RPS6KA2: variants seen among roughly 807,000 people sequenced by gnomAD.
The protein encoded by RPS6KA2 is ribosomal protein S6 kinase A2.
In RPS6KA2, 42 loss-of-function variants were observed where a neutral mutation model predicts 91.8. The observed-to-expected ratio is 0.46, with a 90% CI of 0.36 to 0.59. The LOEUF (loss-of-function observed/expected upper bound fraction) is 0.59. Among genes scored for constraint, RPS6KA2 ranks in the 20% least tolerant of loss-of-function variants. The pLI is 0.00. For synonymous variants in RPS6KA2, 414 were observed against 393.6 expected, an observed-to-expected ratio of 1.05 and a Z score of -0.61; for missense variants, 798 against 978.5, an observed-to-expected ratio of 0.82 and a Z score of 2.46.
At chr6:166,577,330 TC>T (rs201598853) in intron 1 of RPS6KA2, among the ~76,000 whole-genome samples, 1,934 of 152,200 alleles carry the variant, frequency 0.013, 33 homozygotes, top group African/African-American at 0.044. Flanking sequence ...GAATGGTAGA[TC>T]CAACGACAGC....
At chr6:166,526,442 C>T (rs1267256651) in intron 3 of RPS6KA2, among the ~76,000 whole-genome samples, 1 of 142,664 alleles carries the variant, frequency 7.0e-6, no homozygotes, top group Non-Finnish European at 1.5e-5. Context: ...AGATCTTGGG[C>T]TTAAGCAATC....
At chr6:166,420,635 C>A (rs1436116589) in intron 17 of RPS6KA2, among the ~76,000 whole-genome samples, 1 of 152,216 alleles carries the variant, frequency 6.6e-6, no homozygotes, top group African/African-American at 2.4e-5. Flanking sequence ...ACCCATTCAT[C>A]CACCGAGGGA....
intron 2 of RPS6KA2, among the ~76,000 whole-genome samples, chr6:166,797,391 G>C (rs845649): frequency 0.76 from 115,490 of 151,912 alleles, 44,184 homozygotes; most frequent in Non-Finnish European, 0.81. Flanking sequence ...GCTCCCTGCA[G>C]AGTCAAAAAT....
chr6:166,485,684 C>T (rs1043137321), intron 10 of RPS6KA2, among the ~76,000 whole-genome samples: 2 of 152,196 alleles, frequency 1.3e-5, no homozygotes, highest in African/African-American at 4.8e-5. Flanking sequence ...AGTTAAGAAA[C>T]ACCGCCTCCC....
At chr6:166,497,410 G>A (rs188689551) in intron 8 of RPS6KA2, among the ~76,000 whole-genome samples, 1 of 152,350 alleles carries the variant, frequency 6.6e-6, no homozygotes, top group Admixed American at 6.5e-5. Context: ...AGCCACAAAC[G>A]TGATGTGGGC....
At chr6:166,843,065 T>C (rs1462768227) in intron 2 of RPS6KA2, among the ~76,000 whole-genome samples, 1 of 152,126 alleles carries the variant, frequency 6.6e-6, no homozygotes, top group Non-Finnish European at 1.5e-5. Context: ...GAGACCAGCC[T>C]TTAGGACTGT....
At chr6:166,739,013 G>A (rs1322882459) in intron 2 of RPS6KA2, among the ~76,000 whole-genome samples, 2 of 152,152 alleles carry the variant, frequency 1.3e-5, no homozygotes, top group Non-Finnish European at 2.9e-5. Flanking sequence ...GAATACAAAT[G>A]CTAGCAATAT....
chr6:166,598,700 G>A (rs1785627333), intron 1 of RPS6KA2, among the ~76,000 whole-genome samples: 1 of 152,214 alleles, frequency 6.6e-6, no homozygotes, highest in African/African-American at 2.4e-5. Context: ...TAGGAAGCCT[G>A]TTTTCTCTGA....
intron 1 of RPS6KA2, among the ~76,000 whole-genome samples, chr6:166,625,761 A>G (rs1786849390): frequency 6.6e-6 from 1 of 152,164 alleles, no homozygotes; most frequent in African/African-American, 2.4e-5. Context: ...CCAGTACTGG[A>G]TTAACAGTTT....
chr6:166,845,513 C>T (rs968314996), intron 2 of RPS6KA2, among the ~76,000 whole-genome samples: 7 of 152,128 alleles, frequency 4.6e-5, no homozygotes, highest in African/African-American at 1.7e-4. Context: ...ATCAAGTACT[C>T]TCTCAGACCA....
At chr6:166,664,058 T>G (rs137899837) in intron 2 of RPS6KA2, among the ~76,000 whole-genome samples, 1 of 152,250 alleles carries the variant, frequency 6.6e-6, no homozygotes, top group Non-Finnish European at 1.5e-5. Context: ...TTAAGTGTCA[T>G]AGAGGAAATT....
chr6:166,733,715 G>A lies in RPS6KA2; in HGVS notation c.123+124485C>T, dbSNP rs201605089. Among the ~76,000 whole-genome samples the A allele has an allele frequency of 2.0e-5, 3 of 152,170 alleles. No homozygotes were observed. The highest frequency in any genetic ancestry group is 4.8e-5 in the African/African-American group (2 of 41,424). On this transcript the variant is annotated intron_variant, in intron 2 of 21. Coordinates refer to the RPS6KA2 transcript ENST00000503859. This position sits in a 1 kb window ranked among gnomAD's most constrained non-coding sequence, Gnocchi z 4.1. ...CACAGGTCACATTTCAGCGGGTTCC[G>A]GAGCTCACTCTAAGTGGGGAAGTGG...
At chr6:166,771,185 C>A (rs539823095) in intron 2 of RPS6KA2, among the ~76,000 whole-genome samples, 1 of 152,294 alleles carries the variant, frequency 6.6e-6, no homozygotes, top group South Asian at 2.1e-4. Context: ...CCATCACCAA[C>A]CTCAAAGCTC....
At chr6:166,681,353 T>C (rs760658176) in intron 2 of RPS6KA2, among the ~76,000 whole-genome samples, 15 of 152,220 alleles carry the variant, frequency 9.9e-5, no homozygotes, top group East Asian at 7.7e-4. Context: ...GCATAGCCAA[T>C]GGCCTAGGAT....
chr6:166,704,685 G>A (rs1042287279), intron 2 of RPS6KA2, among the ~76,000 whole-genome samples: 6 of 152,158 alleles, frequency 3.9e-5, no homozygotes, highest in Non-Finnish European at 7.3e-5. Context: ...GGATCTTCAC[G>A]CAAAAGAAAC....
At chr6:166,778,361 A>G (rs1170500285) in intron 2 of RPS6KA2, among the ~76,000 whole-genome samples, 3 of 152,272 alleles carry the variant, frequency 2.0e-5, no homozygotes, top group African/African-American at 7.2e-5. Flanking sequence ...CAGAATGTGA[A>G]AAAACCAAAC....
At chr6:166,793,422 T>C (rs996182663) in intron 2 of RPS6KA2, among the ~76,000 whole-genome samples, 1 of 150,206 alleles carries the variant, frequency 6.7e-6, no homozygotes, top group South Asian at 2.1e-4. Context: ...AAAATGGCCA[T>C]ACTGCCCAAG....
At chr6:166,858,892 G>T (rs1329001621) in intron 1 of RPS6KA2, among the ~76,000 whole-genome samples, 1 of 152,202 alleles carries the variant, frequency 6.6e-6, no homozygotes, top group East Asian at 1.9e-4. Context: ...GCCTAGAGAT[G>T]TGGGGAGAGC....
At chr6:166,449,118 C>T (rs59930510) in intron 13 of RPS6KA2, among the ~76,000 whole-genome samples, 5,461 of 152,206 alleles carry the variant, frequency 0.036, 333 homozygotes, top group African/African-American at 0.12. Flanking sequence ...GTATGTTTCT[C>T]GCAAAGATCT....
Sources: gnomAD v4.1 joint callset for allele counts (sites outside exome capture counted in the v4.1 genomes callset) on GRCh38, gnomAD v4.1.1 for gene constraint, Gnocchi (gnomAD v3.1) non-coding constraint, MANE v1.5 for transcripts, NCBI Gene and HGNC (gene_info 2026-07-23, HGNC 2026-07-21) for gene names.